AKT3: variants seen among roughly 807,000 people sequenced by gnomAD.
The protein encoded by AKT3 is AKT serine/threonine kinase 3.
Under a neutral mutation model 65.3 loss-of-function variants are expected in AKT3, and 15 were observed. The observed-to-expected ratio is 0.23, with a 90% CI of 0.15 to 0.35. The LOEUF is 0.35. Among genes scored for constraint, AKT3 ranks in the 10% least tolerant of loss-of-function variants. The pLI is 1.00. For synonymous variants in AKT3, 206 were observed against 183.8 expected (o/e 1.12, Z -0.98); for missense variants, 243 against 576.5 (o/e 0.42, Z 5.92).
chr1:243,546,935 A>C (rs375719190), intron 11 of AKT3: 14 of 152,174 alleles, frequency 9.2e-5, no homozygotes, highest in African/African-American at 3.1e-4. Context: ...AAAGTGATAC[A>C]ATGGAGACTT....
intron 2 of AKT3, among the ~76,000 whole-genome samples, chr1:243,756,658 C>T (rs1237621263): frequency 6.6e-6 from 1 of 152,148 alleles, no homozygotes; most frequent in Non-Finnish European, 1.5e-5. Context: ...AGAAAGTCAC[C>T]ACTTGACATT....
At chr1:243,843,037 A>C (rs527315967) in intron 2 of AKT3, 88 bp downstream of exon 2, 14 of 1,320,212 alleles carry the variant, frequency 1.1e-5, no homozygotes, top group Non-Finnish European at 1.1e-6. Context: ...ACAGTTTAAC[A>C]GTATCAGAAA....
At chr1:243,653,215 C>T (rs1440632835) in intron 4 of AKT3, among the ~76,000 whole-genome samples, 1 of 152,176 alleles carries the variant, frequency 6.6e-6, no homozygotes, top group Non-Finnish European at 1.5e-5. Flanking sequence ...ATACTATAAA[C>T]ATCTCTATGC....
intron 8 of AKT3, among the ~76,000 whole-genome samples, chr1:243,575,210 T>C (rs1412905004): frequency 6.6e-6 from 1 of 152,194 alleles, no homozygotes; most frequent in Non-Finnish European, 1.5e-5. Flanking sequence ...AACACATTTC[T>C]GGGCTTTGGT....
At position 243,524,060 on chromosome 1, in the gene AKT3, C is replaced by T. The variant is rs142684442; in HGVS notation, c.1252-11634G>A. On this transcript the variant is annotated intron_variant, in intron 12 of 13. Coordinates refer to ENST00000673466, the MANE Select transcript of AKT3 (RefSeq NM_005465.7). ...TGGGATGGCCTACTGCCCTAGGCTA[C>T]AGCCCTGTACACGTTACAGTGCTGA... 3.7e-4 allele frequency among the ~76,000 whole-genome samples: 57 copies of T among 152,344 alleles called. No homozygotes were observed. In the East Asian group the frequency reaches 0.011, roughly 29 times the overall value.
chr1:243,606,814 C>A (rs762727590), intron 8 of AKT3, among the ~76,000 whole-genome samples: 4 of 152,338 alleles, frequency 2.6e-5, no homozygotes, highest in Admixed American at 2.0e-4. Flanking sequence ...AGGGCCAGGG[C>A]CCAAAAGCAG....
intron 12 of AKT3, among the ~76,000 whole-genome samples, chr1:243,527,932 C>G (rs1406511489): frequency 2.7e-4 from 9 of 33,680 alleles, no homozygotes; most frequent in African/African-American, 6.0e-4. Context: ...CACACACACA[C>G]ACACAGAGAG....
At chr1:243,781,276 G>A (rs1690896347) in intron 2 of AKT3, among the ~76,000 whole-genome samples, 1 of 152,026 alleles carries the variant, frequency 6.6e-6, no homozygotes, top group Admixed American at 6.5e-5. Context: ...TAGTACGAAT[G>A]AATGCATTTG....
intron 2 of AKT3, among the ~76,000 whole-genome samples, chr1:243,730,162 C>T (rs1226492357): frequency 6.6e-6 from 1 of 152,152 alleles, no homozygotes; most frequent in Non-Finnish European, 1.5e-5. Context: ...ACCCATGGAC[C>T]ACTCAGCACG....
At chr1:243,798,087 T>C (rs1692137879) in intron 2 of AKT3, among the ~76,000 whole-genome samples, 1 of 151,560 alleles carries the variant, frequency 6.6e-6, no homozygotes, top group African/African-American at 2.4e-5. Context: ...TTTCACCATG[T>C]TAGCCAGGAT....
chr1:243,654,230 C>A (rs1307892843), intron 4 of AKT3, among the ~76,000 whole-genome samples: 4 of 152,106 alleles, frequency 2.6e-5, no homozygotes, highest in African/African-American at 9.7e-5. Context: ...CCAGAAAATA[C>A]AGCAACCTCA....
At chr1:243,550,650 A>C (rs1376912146) in intron 11 of AKT3, among the ~76,000 whole-genome samples, 2 of 151,960 alleles carry the variant, frequency 1.3e-5, no homozygotes, top group East Asian at 3.9e-4. Context: ...CAAAAAATGA[A>C]ATAGATAAAA....
At chr1:243,780,307 T>C (rs1199065632) in intron 2 of AKT3, among the ~76,000 whole-genome samples, 1 of 152,090 alleles carries the variant, frequency 6.6e-6, no homozygotes, top group Non-Finnish European at 1.5e-5. Context: ...GACATGGCAA[T>C]TGAATTCAAC....
At chr1:243,812,903 G>A (rs1221664748) in intron 2 of AKT3, among the ~76,000 whole-genome samples, 1 of 151,812 alleles carries the variant, frequency 6.6e-6, no homozygotes, top group African/African-American at 2.4e-5. Context: ...ATCATTCTCA[G>A]CAAACTATCG....
downstream of AKT3, among the ~76,000 whole-genome samples, chr1:243,495,704 C>T (rs552091609): frequency 2.0e-4 from 30 of 152,302 alleles, no homozygotes; most frequent in East Asian, 5.6e-3. Context: ...GACAGGTGGG[C>T]GGTCCTGCTC....
chr1:243,500,859 A>T lies in AKT3; in HGVS notation c.*4390T>A. 4.4e-6 allele frequency: 1 copy of T among 228,904 alleles called. No homozygotes were observed. Among genetic ancestry groups the T allele is most frequent in the East Asian group, 6.3e-5 (1 of 15,960 alleles). 14.2% of individuals were successfully genotyped at this position (228,904 alleles called of 1,614,324 possible). On this transcript the variant is annotated 3_prime_UTR_variant, in exon 14 of 14. Coordinates refer to ENST00000673466, the MANE Select transcript of AKT3 (RefSeq NM_005465.7). ...GCCTGAAACAGTAGAACTTCTATTC[A>T]GATTCAGAAGTTTTTTATTTCATCA...
At chr1:243,641,290 GCA>G (rs1194715682) in intron 5 of AKT3, among the ~76,000 whole-genome samples, 29 of 132,612 alleles carry the variant, frequency 2.2e-4, no homozygotes, top group South Asian at 4.8e-4. Flanking sequence ...ACACACACAC[GCA>G]CACACACACA....
chr1:243,627,236 G>T (rs1270273060), intron 6 of AKT3, among the ~76,000 whole-genome samples: 1 of 151,820 alleles, frequency 6.6e-6, no homozygotes, highest in Non-Finnish European at 1.5e-5. Flanking sequence ...GCTCACACCT[G>T]TAATCCCAGC....
At chr1:243,683,457 A>C (rs936864174) in intron 3 of AKT3, among the ~76,000 whole-genome samples, 1 of 152,162 alleles carries the variant, frequency 6.6e-6, no homozygotes, top group Non-Finnish European at 1.5e-5. Context: ...AAACACATAC[A>C]CACAAGGTAG....
Sources: allele counts gnomAD v4.1 joint callset (sites outside exome capture counted in the v4.1 genomes callset), GRCh38; gene constraint gnomAD v4.1.1; transcripts MANE v1.5; gene names NCBI Gene and HGNC (gene_info 2026-07-23, HGNC 2026-07-21).